The following POU2AF2 variants were observed in gnomAD, a reference collection of about 807,000 sequenced individuals.
The protein encoded by POU2AF2 is POU domain class 2-associating factor 2.
the POU2AF2 span, among the ~76,000 whole-genome samples, chr11:111,279,412 C>G: frequency 6.6e-6 from 1 of 152,200 alleles, no homozygotes; most frequent in African/African-American, 2.4e-5. Flanking sequence ...GCTCTAGAGG[C>G]TAGAAGTCCA....
At chr11:111,278,358 T>C in the POU2AF2 span, among the ~76,000 whole-genome samples, 1 of 152,230 alleles carries the variant, frequency 6.6e-6, no homozygotes, top group Non-Finnish European at 1.5e-5. Flanking sequence ...CTGGAGAAGT[T>C]CGAACTCGAG....
chr11:111,270,860 C>T, the POU2AF2 span, among the ~76,000 whole-genome samples: 1 of 152,148 alleles, frequency 6.6e-6, no homozygotes, highest in Non-Finnish European at 1.5e-5. Context: ...GAAATGGCAC[C>T]TGCTGGCCTT....
the POU2AF2 span, chr11:111,284,231 C>G: frequency 6.2e-7 from 1 of 1,614,230 alleles, no homozygotes. Context: ...CCATGCGGCT[C>G]TCCTGGAGCC....
chr11:111,277,961 G>T, the POU2AF2 span, among the ~76,000 whole-genome samples: 10 of 152,184 alleles, frequency 6.6e-5, no homozygotes, highest in Non-Finnish European at 2.9e-5. Flanking sequence ...GTGCATCTGT[G>T]ATTTAATCAC....
chr11:111,283,946 A>G, the POU2AF2 span: 1 of 803,122 alleles, frequency 1.2e-6, no homozygotes, highest in Non-Finnish European at 2.1e-6. Flanking sequence ...ACATTTCTCT[A>G]TTTCCATGTT....
chr11:111,284,523 C>T, the POU2AF2 span: 17 of 993,390 alleles, frequency 1.7e-5, no homozygotes, highest in East Asian at 4.0e-4. Context: ...CCTAGAGATG[C>T]CAGGACACCC....
chr11:111,261,087 C>G, the POU2AF2 span, among the ~76,000 whole-genome samples: 3 of 152,246 alleles, frequency 2.0e-5, no homozygotes, highest in Non-Finnish European at 2.9e-5. Context: ...AAAACCACTT[C>G]TATACATTTT....
the POU2AF2 span, among the ~76,000 whole-genome samples, chr11:111,261,363 C>G: frequency 6.6e-6 from 1 of 151,638 alleles, no homozygotes; most frequent in African/African-American, 2.4e-5. Flanking sequence ...AGCTAAACAT[C>G]GAATTATTTT....
the POU2AF2 span, among the ~76,000 whole-genome samples, chr11:111,281,928 A>G: frequency 6.6e-6 from 1 of 152,120 alleles, no homozygotes; most frequent in African/African-American, 2.4e-5. Context: ...GGCAAAGACA[A>G]TCTCATTTAG....
chr11:111,247,597 C>G, the POU2AF2 span, among the ~76,000 whole-genome samples: 1 of 151,938 alleles, frequency 6.6e-6, no homozygotes, highest in South Asian at 2.1e-4. Flanking sequence ...ACCATCCTGG[C>G]CAACATGGTG....
At chr11:111,256,374 A>G in the POU2AF2 span, among the ~76,000 whole-genome samples, 66 of 152,270 alleles carry the variant, frequency 4.3e-4, no homozygotes, top group African/African-American at 1.6e-3. Context: ...CCCTTTTTGA[A>G]AGAGTTTTCA....
At chr11:111,276,450 AAAAAT>A in the POU2AF2 span, among the ~76,000 whole-genome samples, 10 of 43,612 alleles carry the variant, frequency 2.3e-4, no homozygotes, top group African/African-American at 5.7e-4. Context: ...AAAAAAAAAA[AAAAAT>A]ATATATATAT....
the POU2AF2 span, among the ~76,000 whole-genome samples, chr11:111,264,259 G>A: frequency 2.6e-5 from 4 of 151,974 alleles, no homozygotes; most frequent in Non-Finnish European, 4.4e-5. Context: ...ACTTTGGGAG[G>A]CCGAGGTGGG....
chr11:111,275,189 C>T, the POU2AF2 span, among the ~76,000 whole-genome samples: 1 of 152,164 alleles, frequency 6.6e-6, no homozygotes, highest in African/African-American at 2.4e-5. Context: ...TCAATATTTA[C>T]AGATTCAACT....
At chr11:111,249,050 A>G in the POU2AF2 span, among the ~76,000 whole-genome samples, 3 of 152,228 alleles carry the variant, frequency 2.0e-5, no homozygotes, top group Admixed American at 2.0e-4. Flanking sequence ...CTACAGTGCA[A>G]AAAAACATCT....
At chr11:111,259,309 C>CTTTT in the POU2AF2 span, among the ~76,000 whole-genome samples, 31 of 129,986 alleles carry the variant, frequency 2.4e-4, no homozygotes, top group South Asian at 4.9e-4. Flanking sequence ...TTCCACATTC[C>CTTTT]TTTTTTTTTT....
At chr11:111,257,762 G>T in the POU2AF2 span, among the ~76,000 whole-genome samples, 12 of 152,178 alleles carry the variant, frequency 7.9e-5, no homozygotes, top group Admixed American at 7.9e-4. Flanking sequence ...TTGGCTCCTT[G>T]TCTGCTCCTA....
the POU2AF2 span, among the ~76,000 whole-genome samples, chr11:111,258,479 A>G: frequency 2.2e-4 from 34 of 152,326 alleles, no homozygotes; most frequent in African/African-American, 6.3e-4. Flanking sequence ...TAGAAAAAGA[A>G]AAGTTACATT....
chr11:111,259,597 T>C, the POU2AF2 span, among the ~76,000 whole-genome samples: 1 of 152,178 alleles, frequency 6.6e-6, no homozygotes, highest in South Asian at 2.1e-4. Flanking sequence ...ATTACAGGCG[T>C]GAGCCACCGT....
Sources: gnomAD v4.1 joint callset for allele counts (sites outside exome capture counted in the v4.1 genomes callset) on GRCh38, gnomAD v4.1.1 for gene constraint, MANE v1.5 for transcripts, NCBI Gene and HGNC (gene_info 2026-07-23, HGNC 2026-07-21) for gene names.